Variants in UNC5C observed in about 807,000 individuals in gnomAD.
UNC5C encodes the protein netrin receptor UNC5C.
UNC5C carries 47 observed loss-of-function variants against 99.8 expected under a neutral mutation model. The observed-to-expected ratio is 0.47, with a 90% CI of 0.37 to 0.60. UNC5C has a LOEUF of 0.60. Among genes scored for constraint, UNC5C ranks in the 20% least tolerant of loss-of-function variants. The pLI, the probability that UNC5C is intolerant of heterozygous loss-of-function variation, is 0.00. For synonymous variants in UNC5C, 487 were observed against 452.2 expected (o/e 1.08, Z -0.98); for missense variants, 1,062 against 1,165.9 (o/e 0.91, Z 1.30).
chr4:95,448,196 G>T (rs1747163968), intron 1 of UNC5C, among the ~76,000 whole-genome samples: 1 of 118,580 alleles, frequency 8.4e-6, no homozygotes, highest in Admixed American at 8.9e-5. Context: ...TAATGTGTGT[G>T]TCTCTGTGTG....
At chr4:95,290,372 C>G (rs910752737) in intron 3 of UNC5C, among the ~76,000 whole-genome samples, 1 of 151,004 alleles carries the variant, frequency 6.6e-6, no homozygotes, top group Non-Finnish European at 1.5e-5. Flanking sequence ...ATCTTTCCTT[C>G]TCAAATATTG....
At chr4:95,176,779 G>C (rs192841382) in intron 14 of UNC5C, among the ~76,000 whole-genome samples, 2,116 of 152,350 alleles carry the variant, frequency 0.014, 56 homozygotes, top group African/African-American at 0.047. Context: ...CCCAGTTCGA[G>C]CTTCCTGGCT....
chr4:95,319,413 A>T (rs530087015), intron 2 of UNC5C, among the ~76,000 whole-genome samples: 33 of 152,266 alleles, frequency 2.2e-4, no homozygotes, highest in Admixed American at 2.2e-3. Flanking sequence ...TAAGCCTTTG[A>T]TGAAATTAGA....
intron 1 of UNC5C, among the ~76,000 whole-genome samples, chr4:95,512,531 A>G (rs1722102913): frequency 6.6e-6 from 1 of 152,162 alleles, no homozygotes; most frequent in Admixed American, 6.6e-5. Flanking sequence ...TTCACCTTTC[A>G]TTCTGCCAAT....
chr4:95,394,771 A>T (rs10020711), intron 1 of UNC5C, among the ~76,000 whole-genome samples: 90,908 of 151,508 alleles, frequency 0.6, 27,535 homozygotes, highest in South Asian at 0.67. Context: ...AGACACCAGT[A>T]AAATGCAATT....
intron 3 of UNC5C, among the ~76,000 whole-genome samples, chr4:95,293,295 CTTTTTTTTTTTTTTTTT>C (rs1175837199): frequency 1.8e-5 from 1 of 56,882 alleles, no homozygotes; most frequent in Admixed American, 2.1e-4. Flanking sequence ...TAATAGTGAG[CTTTTTTTTTTTTTTTTT>C]TTTTTTTTTT....
rs529691600 is a variant in UNC5C at position 95,200,590 on chromosome 4, A to ATT, written c.2136+2139_2136+2140dup. On this transcript the variant is annotated intron_variant, in intron 12 of 15. Coordinates refer to ENST00000453304, the MANE Select transcript of UNC5C (RefSeq NM_003728.4). Reference sequence around the variant, plus strand: ...AAGATTAAATGAGTTAATATAAAATATTTAGAATTTTGCCAAAAATATAGA... The same window carrying ATT: ...AAGATTAAATGAGTTAATATAAAATATTTTTAGAATTTTGCCAAAAATATAGA... Among the ~76,000 whole-genome samples, 423 of 152,344 alleles carry ATT rather than the reference A, an allele frequency of 2.8e-3. 1 individual carries two copies. Among genetic ancestry groups the ATT allele is most frequent in the Non-Finnish European group, 4.8e-3 (324 of 68,026 alleles).
At position 95,259,963 on chromosome 4, in the gene UNC5C, A is replaced by G. The variant is rs543087603; in HGVS notation, c.595-9296T>C. On this transcript the variant is annotated intron_variant, in intron 4 of 15. Transcript: ENST00000453304. ...AATGACATCAGTCTCTCAGCCCCAT[A>G]CCATGGCATACACATCATTAGCTTC... Among the ~76,000 whole-genome samples the G allele has an allele frequency of 2.0e-3, 309 of 152,224 alleles. 2 individuals are homozygous for G. Among genetic ancestry groups the G allele is most frequent in the Middle Eastern group, 0.017 (5 of 294 alleles).
In UNC5C at chr4:95,377,157, G is replaced by A. The variant is rs578043362; in HGVS notation, c.125-41526C>T. Among the ~76,000 whole-genome samples the A allele has an allele frequency of 1.1e-4, 17 of 152,308 alleles. No homozygotes were observed. In the South Asian group the frequency reaches 3.3e-3, roughly 30 times the overall value. On this transcript the variant is annotated intron_variant, in intron 1 of 15. Transcript: ENST00000453304. Reference sequence around the variant, plus strand: ...CAACAATGACAAAAGGAGTAGGCAGGAGGGCTTTATTGGTGGGGGTTGTAT... The same window carrying A: ...CAACAATGACAAAAGGAGTAGGCAGAAGGGCTTTATTGGTGGGGGTTGTAT...
intron 1 of UNC5C, among the ~76,000 whole-genome samples, chr4:95,404,651 G>A (rs1396437611): frequency 2.0e-5 from 3 of 152,132 alleles, no homozygotes; most frequent in South Asian, 4.1e-4. Flanking sequence ...GGGAAATACA[G>A]ATACAAGAGG....
Position 95,373,979 on chromosome 4 carries a change from C to A in UNC5C, c.125-38348G>T, listed in dbSNP as rs575397336. On this transcript the variant is annotated intron_variant, in intron 1 of 15. Coordinates refer to ENST00000453304, the MANE Select transcript of UNC5C (RefSeq NM_003728.4). ...GGCCTCCAACTGTGATCTTTTCCTG[C>A]ATTTGAAGAATGGGTCTGAATTAGC... 1.2e-4 allele frequency among the ~76,000 whole-genome samples: 18 copies of A among 152,208 alleles called. No individual in the cohort carries two copies. The East Asian group carries it at 3.1e-3, about 26-fold the overall frequency.
chr4:95,387,699 A>G (rs1745250694), intron 1 of UNC5C, among the ~76,000 whole-genome samples: 2 of 152,230 alleles, frequency 1.3e-5, no homozygotes, highest in Admixed American at 1.3e-4. Flanking sequence ...CAAAAAACAA[A>G]GTAAGATTTT....
intron 1 of UNC5C, among the ~76,000 whole-genome samples, chr4:95,508,843 A>G (rs950217011): frequency 6.6e-6 from 1 of 151,978 alleles, no homozygotes; most frequent in Non-Finnish European, 1.5e-5. Flanking sequence ...TTTTTAATAT[A>G]GTATCCCAAA....
At chr4:95,440,683 A>G (rs1746925166) in intron 1 of UNC5C, among the ~76,000 whole-genome samples, 1 of 151,978 alleles carries the variant, frequency 6.6e-6, no homozygotes, top group Admixed American at 6.5e-5. Flanking sequence ...CTGACACCGA[A>G]AAAAAAAGCA....
intron 7 of UNC5C, among the ~76,000 whole-genome samples, chr4:95,236,623 G>A (rs1217348302): frequency 6.6e-6 from 1 of 150,676 alleles, no homozygotes; most frequent in Non-Finnish European, 1.5e-5. Context: ...AGAATAGAAA[G>A]CATATAGAAA....
At chr4:95,265,126 T>C (rs1333467118) in intron 4 of UNC5C, among the ~76,000 whole-genome samples, 2 of 152,180 alleles carry the variant, frequency 1.3e-5, no homozygotes, top group Non-Finnish European at 2.9e-5. Context: ...GTGACCTCAA[T>C]GTGCAGCCAG....
chr4:95,356,225 AAAAC>A (rs1248061007), intron 1 of UNC5C, among the ~76,000 whole-genome samples: 23 of 136,712 alleles, frequency 1.7e-4, no homozygotes, highest in South Asian at 4.6e-4. Context: ...AAACAAAAAA[AAAAC>A]AGATTCCTCG....
At chr4:95,400,140 C>A (rs73838207) in intron 1 of UNC5C, among the ~76,000 whole-genome samples, 27,168 of 152,124 alleles carry the variant, frequency 0.18, 4,335 homozygotes, top group African/African-American at 0.42. Context: ...TGAGTTACAT[C>A]ATCCCCTCTC....
chr4:95,309,234 G>A (rs1742183051), intron 2 of UNC5C, among the ~76,000 whole-genome samples: 1 of 152,002 alleles, frequency 6.6e-6, no homozygotes, highest in African/African-American at 2.4e-5. Context: ...TCCCTAGGCA[G>A]AAGAATGAAA....
Sources: gnomAD v4.1 joint callset for allele counts (sites outside exome capture counted in the v4.1 genomes callset) on GRCh38, gnomAD v4.1.1 for gene constraint, MANE v1.5 for transcripts, NCBI Gene and HGNC (gene_info 2026-07-23, HGNC 2026-07-21) for gene names.